Variants in DENND1A observed in about 807,000 individuals in gnomAD.
The protein encoded by DENND1A is DENN domain containing 1A.
Under a neutral mutation model 113.7 loss-of-function variants are expected in DENND1A, and 51 were observed. That is an observed-to-expected ratio of 0.45 (90% CI 0.36 to 0.57). The LOEUF (loss-of-function observed/expected upper bound fraction) is 0.57, where lower values mean the gene tolerates loss of function less well. Ranked by LOEUF, DENND1A falls within the 20% of genes least tolerant of loss-of-function variation. The pLI, the probability that DENND1A is intolerant of heterozygous loss-of-function variation, is 0.00. For synonymous variants in DENND1A, 565 were observed against 570.8 expected, an observed-to-expected ratio of 0.99 and a Z score of 0.14; for missense variants, 1,258 against 1,395.9, an observed-to-expected ratio of 0.90 and a Z score of 1.57.
Position 123,476,966 on chromosome 9 carries a change from T to A in DENND1A, c.994-19069A>T, listed in dbSNP as rs540974187. On this transcript the variant is annotated intron_variant, in intron 13 of 23. Coordinates refer to ENST00000394215, the MANE Select transcript of DENND1A (RefSeq NM_001352964.2). ...ATGGCTGCATCCCCAATGCCCCAGA[T>A]AGAACCTTCCAGGGTAGGTGGTCAA... Among the ~76,000 whole-genome samples, 9 of 152,282 alleles carry A rather than the reference T, an allele frequency of 5.9e-5. No homozygotes were observed. The South Asian group carries it at 1.9e-3, about 32-fold the overall frequency.
In DENND1A at chr9:123,757,894, G is replaced by A. The variant is rs180707524; in HGVS notation, c.183-72C>T. ...TCTTGATAAAGTATCTAATCACAAT[G>A]AGTCGTTGAACTTATAACATTTCCT... On this transcript the variant is annotated intron_variant, in intron 4 of 23. Transcript: ENST00000394215. 1.0e-3 allele frequency: 1,556 copies of A among 1,548,294 alleles called. 8 individuals carry two copies. In the Middle Eastern group the frequency reaches 0.014, roughly 14 times the overall value.
chr9:123,573,942 A>G (rs572973016), intron 12 of DENND1A, among the ~76,000 whole-genome samples: 1 of 151,766 alleles, frequency 6.6e-6, no homozygotes, highest in South Asian at 2.1e-4. Flanking sequence ...ATTTTCTAGG[A>G]GTTCTTATCA....
intron 11 of DENND1A, among the ~76,000 whole-genome samples, chr9:123,590,041 A>G (rs1196111589): frequency 1.3e-5 from 2 of 152,194 alleles, no homozygotes; most frequent in African/African-American, 4.8e-5. Flanking sequence ...AATGTATGTA[A>G]AAGATTCAGC....
chr9:123,674,548 T>C (rs781523183), intron 6 of DENND1A, among the ~76,000 whole-genome samples: 1 of 152,212 alleles, frequency 6.6e-6, no homozygotes, highest in Non-Finnish European at 1.5e-5. Context: ...TTAAGCCAAT[T>C]ACAGGCAGAT....
intron 13 of DENND1A, among the ~76,000 whole-genome samples, chr9:123,492,461 G>A (rs1306744993): frequency 6.6e-6 from 1 of 152,220 alleles, no homozygotes; most frequent in African/African-American, 2.4e-5. Flanking sequence ...CAGGGGACTT[G>A]GAGTGATGGG....
intron 5 of DENND1A, among the ~76,000 whole-genome samples, chr9:123,705,881 T>C (rs1468559918): frequency 6.6e-6 from 1 of 152,152 alleles, no homozygotes; most frequent in East Asian, 1.9e-4. Flanking sequence ...CGTAGAGAAC[T>C]AGATAGATAT....
chr9:123,433,130 G>A (rs1445564581), intron 19 of DENND1A, among the ~76,000 whole-genome samples: 8 of 152,296 alleles, frequency 5.3e-5, no homozygotes, highest in African/African-American at 1.9e-4. Flanking sequence ...CGCTGAGCTC[G>A]GTACTTAAAG....
At chr9:123,641,428 T>C (rs937676291) in intron 9 of DENND1A, among the ~76,000 whole-genome samples, 3 of 128,234 alleles carry the variant, frequency 2.3e-5, no homozygotes, top group African/African-American at 6.3e-5. Context: ...ATGAATTTAA[T>C]GAAATGGCAA....
rs1218644541 is a variant in DENND1A at position 123,749,050 on chromosome 9, G to A, written c.302+8653C>T. On this transcript the variant is annotated intron_variant, in intron 5 of 23. Coordinates refer to ENST00000394215, the MANE Select transcript of DENND1A (RefSeq NM_001352964.2). Reference sequence around the variant, plus strand: ...TCCTTGACACTAACCAGGGGCTACTGAGTCTTGAAAAAACATTAGTTCCAG... The same window carrying A: ...TCCTTGACACTAACCAGGGGCTACTAAGTCTTGAAAAAACATTAGTTCCAG... Among the ~76,000 whole-genome samples, 3 of 152,264 alleles carry A rather than the reference G, an allele frequency of 2.0e-5. No homozygotes were observed. In the East Asian group the frequency reaches 5.8e-4, roughly 29 times the overall value.
intron 1 of DENND1A, among the ~76,000 whole-genome samples, chr9:123,894,905 G>A (rs933131932): frequency 1.3e-5 from 2 of 152,190 alleles, no homozygotes; most frequent in African/African-American, 2.4e-5. Context: ...ATTGCAGAAT[G>A]AACTGGGTTT....
At chr9:123,685,784 G>A (rs529772630) in intron 5 of DENND1A, among the ~76,000 whole-genome samples, 15 of 152,258 alleles carry the variant, frequency 9.9e-5, no homozygotes, top group Middle Eastern at 3.4e-3. Context: ...AGCCCAGGCA[G>A]GGTGAGCACA....
rs1367429346 is a variant in DENND1A, at chr9:123,764,620, G to A, written c.182+4894C>T. Among the ~76,000 whole-genome samples the A allele has an allele frequency of 6.6e-6, 1 of 152,182 alleles. No individual in the cohort carries two copies. The highest frequency in any genetic ancestry group is 2.4e-5 in the African/African-American group (1 of 41,438). On this transcript the variant is annotated intron_variant, in intron 4 of 23. Transcript: ENST00000394215. This position sits in a 1 kb window ranked among gnomAD's most constrained non-coding sequence, Gnocchi z 4.1. ...CAGAACGCAATGCCTACCTGCTGGA[G>A]AAACTCACCAGACAATTCTAAGAGC...
chr9:123,639,212 C>T (rs527403155), intron 9 of DENND1A, among the ~76,000 whole-genome samples: 2 of 151,816 alleles, frequency 1.3e-5, no homozygotes, highest in Admixed American at 6.6e-5. Context: ...CCAAGGCAGG[C>T]GGATCACTTC....
intron 1 of DENND1A, among the ~76,000 whole-genome samples, chr9:123,901,441 T>C (rs1851606370): frequency 6.6e-6 from 1 of 152,198 alleles, no homozygotes; most frequent in Admixed American, 6.5e-5. Flanking sequence ...CACCACACTC[T>C]GCGATTCCCA....
At chr9:123,690,588 T>C (rs2065129107) in intron 5 of DENND1A, among the ~76,000 whole-genome samples, 1 of 152,246 alleles carries the variant, frequency 6.6e-6, no homozygotes, top group Non-Finnish European at 1.5e-5. Context: ...TTTTTCATTT[T>C]AGTTTTTGTG....
At chr9:123,644,982 C>G (rs2062235205) in intron 9 of DENND1A, among the ~76,000 whole-genome samples, 2 of 152,126 alleles carry the variant, frequency 1.3e-5, no homozygotes, top group South Asian at 4.1e-4. Context: ...AAAATGGGGC[C>G]TTTGTGCTAC....
intron 12 of DENND1A, among the ~76,000 whole-genome samples, chr9:123,582,646 G>A (rs544797254): frequency 1.9e-4 from 29 of 151,374 alleles, no homozygotes; most frequent in African/African-American, 5.3e-4. Flanking sequence ...TGATCTGCCC[G>A]CCTTGGCCTC....
At chr9:123,411,487 C>T (rs894247484) in intron 20 of DENND1A, 1 of 152,388 alleles carries the variant, frequency 6.6e-6, no homozygotes, top group Non-Finnish European at 1.5e-5. Flanking sequence ...CCATTGCTCA[C>T]CCTAGGAGAC....
chr9:123,857,427 G>T (rs1465537732), intron 2 of DENND1A, among the ~76,000 whole-genome samples: 1 of 152,124 alleles, frequency 6.6e-6, no homozygotes, highest in African/African-American at 2.4e-5. Flanking sequence ...ATGAGAAATG[G>T]AATATTTACA....
Sources: gnomAD v4.1 joint callset for allele counts (sites outside exome capture counted in the v4.1 genomes callset) on GRCh38, gnomAD v4.1.1 for gene constraint, Gnocchi (gnomAD v3.1) non-coding constraint, MANE v1.5 for transcripts, NCBI Gene and HGNC (gene_info 2026-07-23, HGNC 2026-07-21) for gene names.